Variants in CDH13 observed in about 807,000 individuals in gnomAD.
CDH13 encodes the protein cadherin 13, also known as cadherin-13.
A neutral mutation model predicts 63.8 loss-of-function variants in CDH13; 24 were observed. The ratio of observed to expected loss-of-function variants is 0.38; its 90% CI spans 0.27 to 0.53. The LOEUF (loss-of-function observed/expected upper bound fraction) is 0.53, where lower values mean the gene tolerates loss of function less well. Among genes scored for constraint, CDH13 ranks in the 20% least tolerant of loss-of-function variants. CDH13 has a pLI of 0.85. For synonymous variants in CDH13, 503 were observed against 355.3 expected (o/e 1.42, Z -4.67); for missense variants, 1,049 against 903.1 (o/e 1.16, Z -2.07).
intron 6 of CDH13, among the ~76,000 whole-genome samples, chr16:83,477,522 T>C (rs993607320): frequency 1.3e-5 from 2 of 152,166 alleles, no homozygotes; most frequent in African/African-American, 2.4e-5. Flanking sequence ...CAGGAGTATA[T>C]ATATCTCGTG....
chr16:83,696,828 G>A (rs371539072), intron 10 of CDH13, among the ~76,000 whole-genome samples: 25 of 152,134 alleles, frequency 1.6e-4, no homozygotes, highest in African/African-American at 4.3e-4. Flanking sequence ...CATCCACATC[G>A]CGGTGATCCT....
intron 2 of CDH13, among the ~76,000 whole-genome samples, chr16:83,000,220 CTTATTTTTTTTTTTTTTT>C (rs1803545191): frequency 2.9e-5 from 1 of 33,948 alleles, no homozygotes; most frequent in African/African-American, 1.0e-4. Flanking sequence ...ACAGGTTTAG[CTTATTTTTTTTTTTTTTT>C]TTTTTTTTTT....
chr16:82,806,351 T>G (rs1407210110), intron 1 of CDH13, among the ~76,000 whole-genome samples: 1 of 152,216 alleles, frequency 6.6e-6, no homozygotes, highest in Non-Finnish European at 1.5e-5. Flanking sequence ...CACAGTCCAT[T>G]CTTCCCTGTC....
intron 2 of CDH13, among the ~76,000 whole-genome samples, chr16:82,943,852 G>A (rs191898638): frequency 4.6e-5 from 7 of 152,254 alleles, no homozygotes; most frequent in African/African-American, 9.6e-5. Flanking sequence ...TCAAGCAATC[G>A]GCTTGCCACA....
At chr16:82,760,040 C>T (rs2034772996) in intron 1 of CDH13, among the ~76,000 whole-genome samples, 1 of 152,144 alleles carries the variant, frequency 6.6e-6, no homozygotes, top group African/African-American at 2.4e-5. Context: ...TACAAAGTTG[C>T]AAAGATCTGG....
At chr16:83,618,752 A>G (rs1328223765) in intron 8 of CDH13, among the ~76,000 whole-genome samples, 5 of 152,024 alleles carry the variant, frequency 3.3e-5, no homozygotes, top group Non-Finnish European at 5.9e-5. Flanking sequence ...AAAGAAAAAA[A>G]ATCAAGAAAA....
chr16:83,271,030 G>C (rs1312405939), intron 5 of CDH13, among the ~76,000 whole-genome samples: 1 of 150,000 alleles, frequency 6.7e-6, no homozygotes, highest in South Asian at 2.1e-4. Flanking sequence ...TAAGTGCTAA[G>C]TATACAGCCA....
chr16:82,653,981 G>C (rs1911022413), intron 1 of CDH13, among the ~76,000 whole-genome samples: 1 of 152,160 alleles, frequency 6.6e-6, no homozygotes, highest in Admixed American at 6.5e-5. Context: ...GGGAGGGACA[G>C]GGAGAAATCA....
At chr16:82,778,983 C>T (rs1798270809) in intron 1 of CDH13, among the ~76,000 whole-genome samples, 1 of 152,068 alleles carries the variant, frequency 6.6e-6, no homozygotes, top group African/African-American at 2.4e-5. Flanking sequence ...TATATTAAAT[C>T]AATCTCAGAT....
chr16:83,578,550 C>G (rs1426033159), intron 7 of CDH13, among the ~76,000 whole-genome samples: 2 of 152,194 alleles, frequency 1.3e-5, no homozygotes, highest in Non-Finnish European at 2.9e-5. Flanking sequence ...GCTGACCCTT[C>G]AAGGGCAGGT....
At chr16:83,629,029 A>G (rs1035996123) in intron 8 of CDH13, among the ~76,000 whole-genome samples, 2 of 152,190 alleles carry the variant, frequency 1.3e-5, no homozygotes, top group African/African-American at 4.8e-5. Flanking sequence ...GTAACTGGTA[A>G]TTGCTGGCCT....
At chr16:82,915,339 C>T (rs749579111) in intron 2 of CDH13, among the ~76,000 whole-genome samples, 7 of 152,164 alleles carry the variant, frequency 4.6e-5, no homozygotes, top group Non-Finnish European at 5.9e-5. Context: ...TCTCTGGGTA[C>T]GTCTTACAGG....
chr16:83,016,220 A>G (rs892944861), intron 2 of CDH13, among the ~76,000 whole-genome samples: 2 of 152,200 alleles, frequency 1.3e-5, no homozygotes, highest in African/African-American at 2.4e-5. Context: ...ACGTATGCAC[A>G]CAAGAATTAA....
intron 2 of CDH13, among the ~76,000 whole-genome samples, chr16:83,007,738 C>T (rs1036256427): frequency 4.0e-5 from 6 of 151,292 alleles, no homozygotes; most frequent in African/African-American, 1.5e-4. Flanking sequence ...ATGGGAGGAT[C>T]ACTTGAACCC....
At chr16:83,290,867 C>G (rs924154280) in intron 5 of CDH13, among the ~76,000 whole-genome samples, 1 of 152,130 alleles carries the variant, frequency 6.6e-6, no homozygotes, top group Non-Finnish European at 1.5e-5. Context: ...TTCTCTCTGC[C>G]TACTGCCTAG....
rs757441336 is a variant in CDH13 at position 83,095,695 on chromosome 16, C to G, written c.367-29690C>G. On this transcript the variant is annotated intron_variant, in intron 3 of 13. Transcript: ENST00000567109. ...GAAGTGACCGGTACAACCTAGTTAA[C>G]TGAATCAGAACCATGAATTCAGAGG... Among the ~76,000 whole-genome samples, 59 of 152,152 alleles carry G rather than the reference C, an allele frequency of 3.9e-4. 1 individual carries two copies. The highest frequency in any genetic ancestry group is 3.4e-4 in the Non-Finnish European group (23 of 68,038).
intron 2 of CDH13, among the ~76,000 whole-genome samples, chr16:82,920,290 C>G (rs1180760124): frequency 6.6e-6 from 1 of 152,158 alleles, no homozygotes; most frequent in African/African-American, 2.4e-5. Flanking sequence ...ATAAGTTCTC[C>G]CCTCATAATG....
At chr16:83,117,638 G>A (rs2035368598) in intron 3 of CDH13, among the ~76,000 whole-genome samples, 1 of 151,812 alleles carries the variant, frequency 6.6e-6, no homozygotes, top group Admixed American at 6.6e-5. Flanking sequence ...AGAGAGAAAG[G>A]GCTTGGTTGA....
At chr16:83,428,782 G>C (rs1296312443) in intron 6 of CDH13, among the ~76,000 whole-genome samples, 1 of 152,184 alleles carries the variant, frequency 6.6e-6, no homozygotes, top group African/African-American at 2.4e-5. Context: ...ATGTTTTATG[G>C]AAAATCTATT....
Sources: allele counts gnomAD v4.1 joint callset (sites outside exome capture counted in the v4.1 genomes callset), GRCh38; gene constraint gnomAD v4.1.1; transcripts MANE v1.5; gene names NCBI Gene and HGNC (gene_info 2026-07-23, HGNC 2026-07-21).